The following TMTC4 variants were observed in gnomAD, a reference collection of about 807,000 sequenced individuals.
The protein encoded by TMTC4 is transmembrane O-mannosyltransferase targeting cadherins 4.
Under a neutral mutation model 86.0 loss-of-function variants are expected in TMTC4, and 65 were observed. The observed-to-expected ratio is 0.76, with a 90% CI of 0.62 to 0.93. The LOEUF (loss-of-function observed/expected upper bound fraction) is 0.93. TMTC4 is among the 40% of genes least tolerant of loss of function. The pLI is 0.00. For missense variants in TMTC4, 866 were observed against 948.1 expected (o/e 0.91, Z 1.14); for synonymous variants, 379 against 382.5 (o/e 0.99, Z 0.11).
chr13:100,671,824 C>G (rs1265885615), intron 1 of TMTC4, among the ~76,000 whole-genome samples: 2 of 148,336 alleles, frequency 1.3e-5, no homozygotes, highest in African/African-American at 5.0e-5. Context: ...AAGGGATTTA[C>G]TGTTAACGTA....
Position 100,630,987 on chromosome 13 carries a change from T to C in TMTC4, c.1506+3818A>G, listed in dbSNP as rs992073417. ...GGTTAGGTGGAGGGAATTCTTTGAA[T>C]AAAAAATAGCTGCCTAGATTGCAAA... On this transcript the variant is annotated intron_variant, in intron 12 of 18. Transcript: ENST00000342624. Among the ~76,000 whole-genome samples, 28 of 152,284 alleles carry C rather than the reference T, an allele frequency of 1.8e-4. No individual in the cohort carries two copies. The South Asian group carries it at 5.8e-3, about 32-fold the overall frequency.
chr13:100,637,778 A>C (rs900353776), intron 8 of TMTC4, 76 bp from the exon 9 acceptor site: 2 of 1,576,920 alleles, frequency 1.3e-6, no homozygotes, highest in South Asian at 2.3e-5. Context: ...ACAGATGTGC[A>C]GCAATTCTGC....
chr13:100,645,248 T>C (rs1043616278), intron 6 of TMTC4, among the ~76,000 whole-genome samples: 4 of 152,134 alleles, frequency 2.6e-5, no homozygotes, highest in African/African-American at 9.7e-5. Flanking sequence ...ATACACTCAC[T>C]CCAGGCCCAC....
At chr13:100,633,836 A>G (rs1881793194) in intron 12 of TMTC4, among the ~76,000 whole-genome samples, 1 of 130,096 alleles carries the variant, frequency 7.7e-6, no homozygotes, top group African/African-American at 2.5e-5. Context: ...ATCTAAACAT[A>G]GAAAAGAGGC....
In TMTC4 at chr13:100,663,145, A is replaced by C. The variant is rs745752887; in HGVS notation, c.371T>G (p.Val124Gly). Residue 124 changes from valine (V) to glycine (G), a missense_variant, in exon 5 of 19, where the codon GTG becomes GGG. By Grantham distance (109) the Val-to-Gly change is moderately radical. Coordinates refer to ENST00000342624, the MANE Select transcript of TMTC4 (RefSeq NM_032813.5). ...GAGGATGTTGACCACGTGAAAGCCC[A>C]CGGGGTGGAAGCCTCCCGAGAGGTA... ...NYYLSGGFHPVGFHVVNILLH... is the reference protein window; with the variant it reads ...NYYLSGGFHPGGFHVVNILLH... The C allele has an allele frequency of 1.2e-6, 2 of 1,614,244 alleles. No individual in the cohort carries two copies. Among genetic ancestry groups the C allele is most frequent in the South Asian group, 2.2e-5 (2 of 91,078 alleles).
intron 6 of TMTC4, among the ~76,000 whole-genome samples, chr13:100,645,499 T>C (rs1157535507): frequency 2.0e-5 from 3 of 151,048 alleles, no homozygotes; most frequent in Non-Finnish European, 4.4e-5. Context: ...AGGTGAGCCC[T>C]CTGTGAGCAG....
chr13:100,643,900 G>T (rs962474668), intron 6 of TMTC4, among the ~76,000 whole-genome samples: 9 of 152,146 alleles, frequency 5.9e-5, no homozygotes, highest in African/African-American at 2.2e-4. Context: ...ACTGGATAGT[G>T]TAACAAATAC....
chr13:100,633,186 C>T (rs1269241751), intron 12 of TMTC4, among the ~76,000 whole-genome samples: 1 of 151,804 alleles, frequency 6.6e-6, no homozygotes, highest in Non-Finnish European at 1.5e-5. Flanking sequence ...GTGGCGCATG[C>T]CTGTCCTAGC....
chr13:100,668,433 GAA>G (rs1330461547), intron 3 of TMTC4, 144 bp downstream of exon 3: 1 of 809,700 alleles, frequency 1.2e-6, no homozygotes, highest in African/African-American at 1.7e-5. Context: ...AGGCGATGTT[GAA>G]AAGAGAGAAA....
intron 3 of TMTC4, among the ~76,000 whole-genome samples, chr13:100,667,257 AC>A (rs1469038566): frequency 5.9e-5 from 9 of 152,196 alleles, no homozygotes; most frequent in Admixed American, 2.6e-4. Flanking sequence ...ACATGGTGAA[AC>A]CCCATCCCTA....
chr13:100,633,050 T>C (rs1174156331), intron 12 of TMTC4, among the ~76,000 whole-genome samples: 9 of 152,160 alleles, frequency 5.9e-5, no homozygotes, highest in Admixed American at 5.2e-4. Flanking sequence ...CGGAGGCTCA[T>C]GCCTGTAATC....
At chr13:100,663,553 G>A (rs988332971) in intron 4 of TMTC4, among the ~76,000 whole-genome samples, 1 of 152,154 alleles carries the variant, frequency 6.6e-6, no homozygotes, top group Non-Finnish European at 1.5e-5. Flanking sequence ...CTAGGGACCT[G>A]GATTTAAGAC....
At position 100,632,053 on chromosome 13, in the gene TMTC4, A is replaced by ACACTCTCTCTCTCTCT. The variant is rs1296569630; in HGVS notation, c.1506+2751_1506+2752insAGAGAGAGAGAGAGTG. On this transcript the variant is annotated intron_variant, in intron 12 of 18. Coordinates refer to ENST00000342624, the MANE Select transcript of TMTC4 (RefSeq NM_032813.5). ...CACACACACACACACACACACACAC[A>ACACTCTCTCTCTCTCT]CTCTCTCTCTCTCTCTCTCTCTCTC... Among the ~76,000 whole-genome samples, 382 of 42,918 alleles carry ACACTCTCTCTCTCTCT rather than the reference A, an allele frequency of 8.9e-3. 5 individuals carry two copies. Among genetic ancestry groups the ACACTCTCTCTCTCTCT allele is most frequent in the Non-Finnish European group, 0.013 (275 of 21,002 alleles). 28.2% of individuals were successfully genotyped at this position (42,918 alleles called of 152,430 possible).
chr13:100,615,382 C>T (rs921105333), intron 15 of TMTC4, among the ~76,000 whole-genome samples: 1 of 152,066 alleles, frequency 6.6e-6, no homozygotes, highest in African/African-American at 2.4e-5. Flanking sequence ...TGTGATCGAT[C>T]TGCCTGCCTC....
At position 100,668,780 on chromosome 13, in the gene TMTC4, A is replaced by G; in HGVS notation, c.18T>C (p.His6=). 1.2e-6 allele frequency: 2 copies of G among 1,614,200 alleles called. No individual in the cohort carries two copies. Among genetic ancestry groups the G allele is most frequent in the African/African-American group, 2.7e-5 (2 of 75,058 alleles). The change falls in exon 3 of 19, where the codon CAT becomes CAC. Residue 6 remains histidine, a synonymous_variant. Coordinates refer to ENST00000342624, the MANE Select transcript of TMTC4 (RefSeq NM_032813.5). ...GTTGGTGGCTCCCGGCTCCAGCATT[A>G]TGCTGGTTAGGAATCTGCAGGAAAA... MIPNQ[H]NAGAGSHQPA... is the part of the protein sequence containing the mutation.
chr13:100,641,081 TAC>T (rs966842335), intron 7 of TMTC4, among the ~76,000 whole-genome samples: 26 of 151,298 alleles, frequency 1.7e-4, no homozygotes, highest in Middle Eastern at 3.4e-3. Flanking sequence ...GAAGCCGAGG[TAC>T]AGTTTTTTTC....
chr13:100,612,401 G>C lies in TMTC4; in HGVS notation c.2061C>G (p.Tyr687Ter). Reference sequence around the variant, plus strand: ...TCACAGCCTGCGGTTTACGCACCTTGTATTTCTGGGATTTCCCCAGCACGT... The same window carrying C: ...TCACAGCCTGCGGTTTACGCACCTTCTATTTCTGGGATTTCCCCAGCACGT... ...LANVLGKSQK[Y>*]KESEALFLKA... is the part of the protein sequence containing the mutation. Residue 687 changes from tyrosine (Y) to a stop codon, truncating the protein, a stop_gained, in exon 17 of 19, where the codon TAC becomes TAG. Coordinates refer to ENST00000342624, the MANE Select transcript of TMTC4 (RefSeq NM_032813.5). LOFTEE classifies it high-confidence loss of function. 1 of 1,607,518 alleles carries C rather than the reference G, an allele frequency of 6.2e-7. No individual in the cohort carries two copies. The highest frequency in any genetic ancestry group is 8.5e-7 in the Non-Finnish European group (1 of 1,177,660).
In TMTC4 at chr13:100,662,955, G is replaced by A. The variant is rs757809025; in HGVS notation, c.552+9C>T. ...GTGCATACAGATGCCTCGGGCAGACGACACTTACACACTCGGTGTGCACAG... is the reference window on the plus strand; with the variant it reads ...GTGCATACAGATGCCTCGGGCAGACAACACTTACACACTCGGTGTGCACAG... On this transcript the variant is annotated intron_variant, in intron 5 of 18. Coordinates refer to ENST00000342624, the MANE Select transcript of TMTC4 (RefSeq NM_032813.5). The A allele has an allele frequency of 1.1e-5, 17 of 1,612,976 alleles. No homozygotes were observed. Among genetic ancestry groups the A allele is most frequent in the South Asian group, 9.9e-5 (9 of 90,848 alleles).
rs184855792 is a variant in TMTC4 at position 100,656,427 on chromosome 13, C to A, written c.594G>T (p.Leu198=). The stretch of plus-strand genomic sequence containing the variant: ...AGCCAAGGAAAGATAACAAGAAGAA[C>A]AGGGCACACAGGAGGTCTGCACGGC... ...VVGRADLLCA[L]FFLLSFLGYC... The change falls in exon 6 of 19, where the codon CTG becomes CTT. Residue 198 remains leucine (L), a synonymous_variant. Transcript: ENST00000342624. The A allele has an allele frequency of 1.6e-4, 260 of 1,613,012 alleles. 2 individuals are homozygous for A. In the East Asian group the frequency reaches 5.0e-3, roughly 31 times the overall value.
Sources: allele counts gnomAD v4.1 joint callset (sites outside exome capture counted in the v4.1 genomes callset), GRCh38; gene constraint gnomAD v4.1.1; transcripts MANE v1.5; gene names NCBI Gene and HGNC (gene_info 2026-07-23, HGNC 2026-07-21).